The following ABAT variants were observed in gnomAD, a reference collection of about 807,000 sequenced individuals.
The protein encoded by ABAT is 4-aminobutyrate aminotransferase, mitochondrial.
In ABAT, 45 loss-of-function variants were observed where a neutral mutation model predicts 64.6. That is an observed-to-expected ratio of 0.70 (90% confidence interval 0.55 to 0.89). The LOEUF (loss-of-function observed/expected upper bound fraction) is 0.89. Ranked by LOEUF, ABAT falls within the 40% of genes least tolerant of loss-of-function variation. ABAT has a pLI of 0.00. For missense variants in ABAT, 633 were observed against 658.4 expected (o/e 0.96, Z 0.42); for synonymous variants, 297 against 250.5 (o/e 1.19, Z -1.75).
intron 1 of ABAT, among the ~76,000 whole-genome samples, chr16:8,706,656 T>C (rs1290615789): frequency 6.6e-6 from 1 of 151,994 alleles, no homozygotes; most frequent in Admixed American, 6.6e-5. Flanking sequence ...GAGGCTGCAG[T>C]GAGCCAAGAT....
rs886623209 is a variant in ABAT, at chr16:8,776,675, C to A, written c.1269+185C>A. Among the ~76,000 whole-genome samples, 2 of 152,198 alleles carry A rather than the reference C, an allele frequency of 1.3e-5. No homozygotes were observed. Among genetic ancestry groups the A allele is most frequent in the African/African-American group, 4.8e-5 (2 of 41,450 alleles). ...TCCTCTGCAGGGGATGCCTCCCTAT[C>A]CCTCCATCCCATTCCAACCCCTATT... is the stretch of plus-strand genomic sequence containing the variant. On this transcript the variant is annotated intron_variant, in intron 14 of 15. Coordinates refer to ENST00000268251, the MANE Select transcript of ABAT (RefSeq NM_020686.6). This position sits in a 1 kb window ranked among gnomAD's most constrained non-coding sequence, Gnocchi z 4.4.
chr16:8,777,247 G>C (rs2060294168), intron 14 of ABAT, among the ~76,000 whole-genome samples: 1 of 151,556 alleles, frequency 6.6e-6, no homozygotes, highest in Non-Finnish European at 1.5e-5. Flanking sequence ...CCCTTTGAGA[G>C]TCCCCCAAGC....
chr16:8,711,677 T>G (rs2142084460), intron 1 of ABAT, among the ~76,000 whole-genome samples: 1 of 151,664 alleles, frequency 6.6e-6, no homozygotes, highest in East Asian at 1.9e-4. Flanking sequence ...GATGGGTGGG[T>G]GGAAGGATGG....
intron 5 of ABAT, among the ~76,000 whole-genome samples, chr16:8,754,663 TTTATTTATTTCTTTCTTTC>T (rs1385113844): frequency 1.9e-3 from 43 of 22,188 alleles, no homozygotes; most frequent in African/African-American, 3.4e-3. Flanking sequence ...AGCAAGTTGA[TTTATTTATTTCTTTCTTTC>T]TTTCTTTCTT....
At chr16:8,775,341 A>G (rs1486279291) in intron 13 of ABAT, among the ~76,000 whole-genome samples, 3 of 152,198 alleles carry the variant, frequency 2.0e-5, no homozygotes, top group Admixed American at 6.5e-5. Flanking sequence ...AGCATTTGCT[A>G]TGTGCCTAGT....
intron 2 of ABAT, among the ~76,000 whole-genome samples, chr16:8,741,631 G>C (rs573127070): frequency 2.0e-5 from 3 of 152,154 alleles, no homozygotes; most frequent in African/African-American, 7.2e-5. Flanking sequence ...TCCAAGAGAA[G>C]GTTTACTTGT....
At chr16:8,678,154 G>T (rs947813747) in intron 1 of ABAT, among the ~76,000 whole-genome samples, 3 of 152,226 alleles carry the variant, frequency 2.0e-5, no homozygotes, top group African/African-American at 7.2e-5. Context: ...GATGTGTCTA[G>T]CTGTGGAGCC....
At chr16:8,716,794 G>T (rs903427813) in intron 1 of ABAT, among the ~76,000 whole-genome samples, 1 of 152,150 alleles carries the variant, frequency 6.6e-6, no homozygotes, top group Non-Finnish European at 1.5e-5. Flanking sequence ...AGGTCAGATT[G>T]TATGTTCCTG....
chr16:8,776,502 T>TC lies in ABAT; in HGVS notation c.1269+16dup. Reference sequence around the variant, plus strand: ...TGCTGGACCTCCAGGTAACACCCCCTCCCCTGCCCCGCCCCCACCACCCAT... The same window carrying TC: ...TGCTGGACCTCCAGGTAACACCCCCTCCCCCTGCCCCGCCCCCACCACCCAT... On this transcript the variant is annotated intron_variant, in intron 14 of 15. Transcript: ENST00000268251. The surrounding 1 kb of genome is among the most constrained non-coding windows in gnomAD (Gnocchi z 4.4). 6.4e-7 allele frequency: 1 copy of TC among 1,566,118 alleles called. No homozygotes were observed. The highest frequency in any genetic ancestry group is 8.7e-7 in the Non-Finnish European group (1 of 1,151,026).
At chr16:8,747,106 G>C (rs2059355027) in intron 3 of ABAT, among the ~76,000 whole-genome samples, 1 of 152,266 alleles carries the variant, frequency 6.6e-6, no homozygotes, top group African/African-American at 2.4e-5. Flanking sequence ...GTTCCGCATG[G>C]GTCCGCCATC....
intron 5 of ABAT, among the ~76,000 whole-genome samples, chr16:8,754,381 G>T (rs1596457407): frequency 6.6e-6 from 1 of 151,872 alleles, no homozygotes; most frequent in South Asian, 2.1e-4. Context: ...AAAAAGAAAA[G>T]GTTCAAGGGG....
At chr16:8,768,401 T>A in intron 10 of ABAT, 145 bp downstream of exon 10, 1 of 930,862 alleles carries the variant, frequency 1.1e-6, no homozygotes, top group South Asian at 1.4e-5. Flanking sequence ...TTATTATTCC[T>A]GCTTTGCAGA....
chr16:8,733,517 G>A (rs1295697355), intron 1 of ABAT, among the ~76,000 whole-genome samples: 2 of 151,902 alleles, frequency 1.3e-5, no homozygotes, highest in Non-Finnish European at 2.9e-5. Flanking sequence ...CCGAGATCAC[G>A]CCGCTGCACT....
rs762050203 is a variant in ABAT at position 8,768,232 on chromosome 16, G to A, written c.643G>A (p.Gly215Ser). Residue 215 changes from glycine (G) to serine (S), a missense_variant, in exon 10 of 16, where the codon GGC becomes AGC. By Grantham distance (56) the Gly-to-Ser change is moderately conservative. Transcript: ENST00000268251. ...CGACTACAGCATCCTCTCCTTCATG[G>A]GCGCGTTCCATGGGAGGACCATGGG... ...CPDYSILSFMGAFHGRTMGCL... is the reference protein window; with the variant it reads ...CPDYSILSFMSAFHGRTMGCL... The A allele has an allele frequency of 8.7e-6, 14 of 1,614,046 alleles. No individual in the cohort carries two copies. The Admixed American group carries it at 2.3e-4, about 27-fold the overall frequency.
chr16:8,716,619 A>G (rs2058222953), intron 1 of ABAT, among the ~76,000 whole-genome samples: 3 of 152,294 alleles, frequency 2.0e-5, no homozygotes, highest in South Asian at 4.1e-4. Context: ...TTTTCTCACA[A>G]GGGGCCTCGA....
Position 8,748,138 on chromosome 16 carries a change from G to A in ABAT, c.198+1G>A. On this transcript the variant is annotated splice_donor_variant, in intron 4 of 15. Transcript: ENST00000268251. LOFTEE classifies it high-confidence loss of function. ...AATGAAACAGCTGAATATAATTCAG[G>A]TAAGTGAGGAGGAGGTAACTTTCCT... 6.2e-7 allele frequency: 1 copy of A among 1,613,260 alleles called. No homozygotes were observed. The highest frequency in any genetic ancestry group is 8.5e-7 in the Non-Finnish European group (1 of 1,179,360).
At chr16:8,675,429 G>C (rs2057175032) in intron 1 of ABAT, among the ~76,000 whole-genome samples, 1 of 151,838 alleles carries the variant, frequency 6.6e-6, no homozygotes, top group Non-Finnish European at 1.5e-5. Flanking sequence ...ACCCCTCCAA[G>C]TCATCCACCT....
rs141843889 is a variant in ABAT, at chr16:8,689,239, A to G, written c.-42+14528A>G. Among the ~76,000 whole-genome samples, 905 of 152,300 alleles carry G rather than the reference A, an allele frequency of 5.9e-3. 5 individuals carry two copies. Among genetic ancestry groups the G allele is most frequent in the Non-Finnish European group, 8.2e-3 (558 of 68,036 alleles). ...AATCATGATTAATTTTTTCCTACAT[A>G]GATAGTTCATTTGGCCCAGTATCAC... On this transcript the variant is annotated intron_variant, in intron 1 of 15. Coordinates refer to ENST00000268251, the MANE Select transcript of ABAT (RefSeq NM_020686.6).
At chr16:8,745,923 C>A (rs1596450625) in intron 2 of ABAT, 78 bp from the exon 3 acceptor site, 1 of 1,369,952 alleles carries the variant, frequency 7.3e-7, no homozygotes, top group Non-Finnish European at 1.0e-6. Context: ...CTGTTAGGGA[C>A]ATTGGGCATC....
Sources: gnomAD v4.1 joint callset for allele counts (sites outside exome capture counted in the v4.1 genomes callset) on GRCh38, gnomAD v4.1.1 for gene constraint, Gnocchi (gnomAD v3.1) non-coding constraint, MANE v1.5 for transcripts, NCBI Gene and HGNC (gene_info 2026-07-23, HGNC 2026-07-21) for gene names.